Variants in CLIP1 observed in about 807,000 individuals in gnomAD.
The protein encoded by CLIP1 is CAP-Gly domain containing linker protein 1, also known as CAP-Gly domain-containing linker protein 1.
Under a neutral mutation model 161.6 loss-of-function variants are expected in CLIP1, and 66 were observed. The observed-to-expected ratio is 0.41, with a 90% CI of 0.33 to 0.50. The LOEUF is 0.50. Ranked by LOEUF, CLIP1 falls within the 20% of genes least tolerant of loss-of-function variation. The probability of loss-of-function intolerance (pLI) is 0.27; values close to 1 mark genes in which losing one functional copy is unlikely to be tolerated. For missense variants in CLIP1, 1,376 were observed against 1,702.0 expected (o/e 0.81, Z 3.37); for synonymous variants, 598 against 626.2 (o/e 0.96, Z 0.67).
At chr12:122,281,704 A>C (rs1955654501) in intron 21 of CLIP1, among the ~76,000 whole-genome samples, 1 of 151,168 alleles carries the variant, frequency 6.6e-6, no homozygotes, top group South Asian at 2.1e-4. Context: ...ACAGAGCAAG[A>C]CCCCGTCTGA....
In CLIP1 at chr12:122,355,668, C is replaced by A. The variant is rs911009925; in HGVS notation, c.1006-356G>T. 1 of 220,436 alleles carries A rather than the reference C, an allele frequency of 4.5e-6. No homozygotes were observed. Among genetic ancestry groups the A allele is most frequent in the Non-Finnish European group, 9.0e-6 (1 of 110,750 alleles). The allele number at this position is 220,436 out of a possible 1,614,324, so 13.7% of individuals were successfully genotyped here. A position where few individuals can be genotyped will look rare whatever the true frequency, so the allele number is the denominator to read the frequency against. On this transcript the variant is annotated intron_variant, in intron 5 of 25. Coordinates refer to ENST00000620786, the MANE Select transcript of CLIP1 (RefSeq NM_001247997.2). The surrounding 1 kb of genome is among the most constrained non-coding windows in gnomAD (Gnocchi z 4.1). ...AAAAATACAAAAATTAGCTGGAGTG[C>A]AGTGGTGCGATCTCAGCTGACTGCA... is the stretch of plus-strand genomic sequence containing the variant.
chr12:122,296,262 G>T (rs1018760781), intron 20 of CLIP1, among the ~76,000 whole-genome samples: 1 of 152,194 alleles, frequency 6.6e-6, no homozygotes, highest in Non-Finnish European at 1.5e-5. Context: ...AATCTTGATT[G>T]TGGGGTCAGT....
Position 122,316,865 on chromosome 12 carries a change from C to A in CLIP1, c.3367-10G>T. On this transcript the variant is annotated splice_polypyrimidine_tract_variant and intron_variant, in intron 18 of 25. Coordinates refer to ENST00000620786, the MANE Select transcript of CLIP1 (RefSeq NM_001247997.2). ...CTTTAAGTGTGTCCAACTTAAAGAC[C>A]AAGAGAAAAAAACTTGATGAAATTA... is the stretch of plus-strand genomic sequence containing the variant. 6 of 1,439,950 alleles carry A rather than the reference C, an allele frequency of 4.2e-6. No individual in the cohort carries two copies. The highest frequency in any genetic ancestry group is 2.5e-5 in the Admixed American group (1 of 40,660). The allele number at this position is 1,439,950 out of a possible 1,614,324, so 89.2% of individuals were successfully genotyped here.
intron 17 of CLIP1, among the ~76,000 whole-genome samples, chr12:122,319,844 C>T (rs985801058): frequency 2.6e-5 from 4 of 152,152 alleles, no homozygotes; most frequent in Non-Finnish European, 5.9e-5. Context: ...TATTTGGGCA[C>T]TTCTAACATA....
rs150824156 is a variant in CLIP1 at position 122,377,809 on chromosome 12, T to C, written c.237A>G (p.Glu79=). ...CCCACTGGCCTGGTGCAAACTGGGT[T>C]TCTCCAAGAAACTGGATAAATCCAG... The part of the protein sequence containing the change: ...NKPGFIQFLG[E]TQFAPGQWAG... Residue 79 remains glutamate (E), a synonymous_variant, in exon 3 of 26, where the codon GAA becomes GAG. Transcript: ENST00000620786. 1 of 1,613,884 alleles carries C rather than the reference T, an allele frequency of 6.2e-7. No individual in the cohort carries two copies. The highest frequency in any genetic ancestry group is 1.3e-5 in the African/African-American group (1 of 74,878).
At chr12:122,404,784 T>C (rs1281110792) in intron 1 of CLIP1, among the ~76,000 whole-genome samples, 1 of 145,002 alleles carries the variant, frequency 6.9e-6, no homozygotes, top group Admixed American at 7.2e-5. Context: ...GCGCCTGTAG[T>C]CCCAACAACT....
At chr12:122,358,209 A>C (rs1376065983) in intron 5 of CLIP1, among the ~76,000 whole-genome samples, 2 of 151,298 alleles carry the variant, frequency 1.3e-5, no homozygotes. Context: ...GCGGTGCAAG[A>C]TGTGCTTTGT....
intron 5 of CLIP1, chr12:122,356,259 C>A (rs1480781384): frequency 6.6e-6 from 1 of 152,122 alleles, no homozygotes; most frequent in Non-Finnish European, 1.5e-5. Flanking sequence ...GCAGAGATGC[C>A]CCAGGGTGCT....
At position 122,377,636 on chromosome 12, in the gene CLIP1, A is replaced by G; in HGVS notation, c.410T>C (p.Leu137Pro). The G allele has an allele frequency of 6.2e-7, 1 of 1,613,830 alleles. No individual in the cohort carries two copies. The highest frequency in any genetic ancestry group is 8.5e-7 in the Non-Finnish European group (1 of 1,179,992). ...KVQAEDEANGLQTTPASRATS... is the reference protein window; with the variant it reads ...KVQAEDEANGPQTTPASRATS... The stretch of plus-strand genomic sequence containing the variant: ...AGCTCGGGAGGCGGGCGTTGTCTGC[A>G]GGCCATTAGCTTCATCTTCTGCTTG... The change falls in exon 3 of 26, where the codon CTG (leucine) becomes CCG (proline). Residue 137 changes from leucine to proline, a missense_variant. By Grantham distance (98) the Leu-to-Pro change is moderately conservative (BLOSUM62 -3). Around this residue, in one of 6 missense-constraint regions of CLIP1, gnomAD observed 119 missense variants for 112.0 expected, o/e 1.06. Transcript: ENST00000620786.
In CLIP1 at chr12:122,347,447, C is replaced by T. The variant is rs778663305; in HGVS notation, c.1434G>A (p.Lys478=). ...TQTKLEHARI[K]ELEQSLLFEK... is the part of the protein sequence containing the mutation. The stretch of plus-strand genomic sequence containing the variant: ...CAAAGAGCAGGCTCTGTTCAAGCTC[C>T]TTAATGCGGGCATGCTCCAGTTTGG... Residue 478 remains lysine (K), a synonymous_variant, in exon 10 of 26, where the codon AAG becomes AAA. Coordinates refer to ENST00000620786, the MANE Select transcript of CLIP1 (RefSeq NM_001247997.2). The T allele has an allele frequency of 6.2e-7, 1 of 1,613,832 alleles. No individual in the cohort carries two copies. Among genetic ancestry groups the T allele is most frequent in the Non-Finnish European group, 8.5e-7 (1 of 1,179,734 alleles).
chr12:122,396,225 T>C (rs970603477), intron 1 of CLIP1, among the ~76,000 whole-genome samples: 3 of 152,034 alleles, frequency 2.0e-5, no homozygotes, highest in Non-Finnish European at 4.4e-5. Flanking sequence ...CCAGCCCCAA[T>C]ATTTACCCTG....
chr12:122,404,551 G>C (rs1211537418), intron 1 of CLIP1, among the ~76,000 whole-genome samples: 2 of 151,912 alleles, frequency 1.3e-5, no homozygotes, highest in Non-Finnish European at 2.9e-5. Flanking sequence ...AGTGAGCCAA[G>C]ATTGCGCCAC....
rs80047612 is a variant in CLIP1, at chr12:122,279,253, A to T, written c.3648-108T>A. ...TAATGTTAGTTAATGTAAAAAAAAA[A>T]ATATAACAGGGAAGTTTTATAGGGA... is the stretch of plus-strand genomic sequence containing the variant. On this transcript the variant is annotated intron_variant, in intron 21 of 25. Coordinates refer to ENST00000620786, the MANE Select transcript of CLIP1 (RefSeq NM_001247997.2). The surrounding 1 kb of genome is among the most constrained non-coding windows in gnomAD (Gnocchi z 4.5). 5,241 of 723,364 alleles carry T rather than the reference A, an allele frequency of 7.2e-3. 154 individuals carry two copies. The highest frequency in any genetic ancestry group is 0.07 in the African/African-American group (3,860 of 54,854). 44.8% of individuals were successfully genotyped at this position (723,364 alleles called of 1,614,324 possible). A position where few individuals can be genotyped will look rare whatever the true frequency, so the allele number is the denominator to read the frequency against.
chr12:122,338,215 G>A (rs1033455496), intron 11 of CLIP1, among the ~76,000 whole-genome samples: 1 of 152,052 alleles, frequency 6.6e-6, no homozygotes, highest in African/African-American at 2.4e-5. Context: ...GCACACACCT[G>A]TGATCCCAGC....
At chr12:122,357,873 G>A (rs1953550901) in intron 5 of CLIP1, among the ~76,000 whole-genome samples, 2 of 151,614 alleles carry the variant, frequency 1.3e-5, no homozygotes, top group Admixed American at 6.6e-5. Flanking sequence ...GGGCGCCTCT[G>A]CTCGGCCGCC....
At chr12:122,336,249 C>A (rs1392395263) in intron 12 of CLIP1, among the ~76,000 whole-genome samples, 1 of 151,964 alleles carries the variant, frequency 6.6e-6, no homozygotes, top group Non-Finnish European at 1.5e-5. Flanking sequence ...ACAGCTACTG[C>A]CCTGATAATC....
intron 20 of CLIP1, among the ~76,000 whole-genome samples, chr12:122,300,324 C>CAT (rs1566091667): frequency 2.0e-5 from 3 of 151,954 alleles, no homozygotes; most frequent in Admixed American, 2.0e-4. Context: ...CAGACATCTC[C>CAT]ATATATATAC....
At chr12:122,334,476 G>C (rs997036751) in intron 13 of CLIP1, among the ~76,000 whole-genome samples, 172 bp downstream of exon 13, 8 of 152,224 alleles carry the variant, frequency 5.3e-5, no homozygotes, top group African/African-American at 1.9e-4. Flanking sequence ...AAAATTGGGA[G>C]TTTGAGGCTT....
intron 1 of CLIP1, among the ~76,000 whole-genome samples, chr12:122,403,094 C>T (rs1325517027): frequency 5.9e-5 from 9 of 152,134 alleles, no homozygotes; most frequent in Non-Finnish European, 1.5e-5. Flanking sequence ...CCAGGCCCCC[C>T]TGGATATGCA....
Sources: allele counts gnomAD v4.1 joint callset (sites outside exome capture counted in the v4.1 genomes callset), GRCh38; gene constraint gnomAD v4.1.1; regional missense constraint gnomAD v4.1.1; non-coding constraint Gnocchi (gnomAD v3.1); transcripts MANE v1.5; gene names NCBI Gene and HGNC (gene_info 2026-07-23, HGNC 2026-07-21).